LPP: variants seen among roughly 807,000 people sequenced by gnomAD.
The protein encoded by LPP is lipoma-preferred partner.
Under a neutral mutation model 60.4 loss-of-function variants are expected in LPP, and 38 were observed. The observed-to-expected ratio is 0.63, with a 90% CI of 0.49 to 0.83. The LOEUF (loss-of-function observed/expected upper bound fraction) is 0.83. Among genes scored for constraint, LPP ranks in the 40% least tolerant of loss-of-function variants. The pLI, the probability that LPP is intolerant of heterozygous loss-of-function variation, is 0.00. For missense variants in LPP, 902 were observed against 783.6 expected (o/e 1.15, Z -1.80); for synonymous variants, 328 against 290.8 (o/e 1.13, Z -1.30).
chr3:188,240,622 G>C, intron 2 of LPP, among the ~76,000 whole-genome samples: 1 of 152,204 alleles, frequency 6.6e-6, no homozygotes, highest in South Asian at 2.1e-4. Flanking sequence ...ACATATTTGG[G>C]TAGAAACTTT....
intron 3 of LPP, among the ~76,000 whole-genome samples, chr3:188,377,822 C>T (rs1281640172): frequency 2.0e-5 from 3 of 152,130 alleles, no homozygotes; most frequent in African/African-American, 7.2e-5. Context: ...CTGTTTTTTT[C>T]CCATCTTTGT....
chr3:188,846,722 T>C (rs993130953), intron 9 of LPP, among the ~76,000 whole-genome samples: 1 of 150,690 alleles, frequency 6.6e-6, no homozygotes, highest in Admixed American at 6.6e-5. Context: ...AAAGAAAAGT[T>C]ACATGTAGAG....
chr3:188,491,004 G>A (rs944439759), intron 5 of LPP, among the ~76,000 whole-genome samples: 10 of 151,804 alleles, frequency 6.6e-5, no homozygotes, highest in South Asian at 2.1e-4. Context: ...CTCGTGATCC[G>A]CCTGCCTCAG....
At chr3:188,697,402 GA>G in intron 7 of LPP, among the ~76,000 whole-genome samples, 1 of 152,308 alleles carries the variant, frequency 6.6e-6, no homozygotes, top group Admixed American at 6.5e-5. Flanking sequence ...TATTAAAACC[GA>G]AAACTGATTT....
At chr3:188,196,423 T>C (rs1186369563) in intron 1 of LPP, among the ~76,000 whole-genome samples, 1 of 152,164 alleles carries the variant, frequency 6.6e-6, no homozygotes, top group Non-Finnish European at 1.5e-5. Context: ...CCTTCACTCT[T>C]GCCTCTGACT....
At chr3:188,612,223 A>G (rs905088046) in intron 7 of LPP, among the ~76,000 whole-genome samples, 2 of 152,202 alleles carry the variant, frequency 1.3e-5, no homozygotes, top group African/African-American at 4.8e-5. Flanking sequence ...AGAGGTTGAT[A>G]TTTAGCCATC....
At chr3:188,673,294 A>G (rs899532920) in intron 7 of LPP, among the ~76,000 whole-genome samples, 4 of 138,214 alleles carry the variant, frequency 2.9e-5, no homozygotes, top group East Asian at 2.1e-4. Context: ...ACATCATCTC[A>G]TGAATGACAT....
intron 1 of LPP, among the ~76,000 whole-genome samples, chr3:188,154,805 C>T (rs1443799965): frequency 3.3e-5 from 5 of 152,220 alleles, no homozygotes; most frequent in African/African-American, 1.2e-4. Flanking sequence ...CCTCAAGGAA[C>T]TCAGTTGAAC....
At chr3:188,759,915 C>T (rs957971612) in intron 8 of LPP, among the ~76,000 whole-genome samples, 198 bp from the exon 9 acceptor site, 1 of 152,148 alleles carries the variant, frequency 6.6e-6, no homozygotes, top group Non-Finnish European at 1.5e-5. Flanking sequence ...AAATCCCCTC[C>T]ATGCCAATCT....
chr3:188,596,581 G>A (rs1162583850), intron 6 of LPP, among the ~76,000 whole-genome samples: 1 of 151,804 alleles, frequency 6.6e-6, no homozygotes, highest in Non-Finnish European at 1.5e-5. Context: ...GTAATACAGT[G>A]ATCATTATAA....
intron 2 of LPP, among the ~76,000 whole-genome samples, chr3:188,238,907 T>C (rs535786212): frequency 6.6e-6 from 1 of 152,308 alleles, no homozygotes; most frequent in East Asian, 1.9e-4. Flanking sequence ...AACACAGTAT[T>C]TGCCAACTAC....
At chr3:188,874,282 CATG>C in intron 11 of LPP, 66 bp from the exon 12 acceptor site, 1 of 1,484,696 alleles carries the variant, frequency 6.7e-7, no homozygotes, top group South Asian at 1.3e-5. Flanking sequence ...AAAGCTCAAT[CATG>C]ATGTTCTCCA....
At chr3:188,643,047 CAAG>C (rs143282166) in intron 7 of LPP, among the ~76,000 whole-genome samples, 5,155 of 152,086 alleles carry the variant, frequency 0.034, 276 homozygotes, top group African/African-American at 0.12. Context: ...AGCCTGGGTA[CAAG>C]AAGAAGCGAG....
At chr3:188,721,896 C>T (rs1052783603) in intron 8 of LPP, among the ~76,000 whole-genome samples, 6 of 152,076 alleles carry the variant, frequency 3.9e-5, no homozygotes, top group African/African-American at 9.7e-5. Context: ...TCTCATATCA[C>T]GAGATTAGAA....
chr3:188,712,432 T>A (rs1315617945), intron 8 of LPP: 1 of 152,250 alleles, frequency 6.6e-6, no homozygotes, highest in Non-Finnish European at 1.5e-5. Context: ...TAGCACTGTG[T>A]TGGGTGTGAC....
chr3:188,564,234 T>G (rs1429868539), intron 6 of LPP, among the ~76,000 whole-genome samples: 1 of 152,004 alleles, frequency 6.6e-6, no homozygotes, highest in Non-Finnish European at 1.5e-5. Flanking sequence ...CCATACTCCT[T>G]CTTTCCACCA....
chr3:188,375,082 C>T lies in LPP; in HGVS notation c.-9-31030C>T, dbSNP rs565956114. Reference sequence around the variant, plus strand: ...CCACTTGATCATGGTGGATAAGCTTCTTGACGTGCTGCTGGATTCGGTTTG... The same window carrying T: ...CCACTTGATCATGGTGGATAAGCTTTTTGACGTGCTGCTGGATTCGGTTTG... On this transcript the variant is annotated intron_variant, in intron 3 of 11. Coordinates refer to ENST00000617246, the MANE Select transcript of LPP (RefSeq NM_001375462.1). Among the ~76,000 whole-genome samples, 1,458 of 151,734 alleles carry T rather than the reference C, an allele frequency of 9.6e-3. 21 individuals are homozygous for T. The highest frequency in any genetic ancestry group is 0.032 in the African/African-American group (1,317 of 41,070).
At chr3:188,567,316 C>G (rs1295374307) in intron 6 of LPP, among the ~76,000 whole-genome samples, 2 of 151,884 alleles carry the variant, frequency 1.3e-5, no homozygotes, top group Non-Finnish European at 2.9e-5. Flanking sequence ...TAGGACCCAT[C>G]TCATAGGATT....
intron 9 of LPP, among the ~76,000 whole-genome samples, chr3:188,819,379 C>T (rs1162691347): frequency 6.6e-6 from 1 of 151,178 alleles, no homozygotes; most frequent in Non-Finnish European, 1.5e-5. Context: ...CCCAAGTTTT[C>T]GCTATAAAGA....
Sources: gnomAD v4.1 joint callset for allele counts (sites outside exome capture counted in the v4.1 genomes callset) on GRCh38, gnomAD v4.1.1 for gene constraint, MANE v1.5 for transcripts, NCBI Gene and HGNC (gene_info 2026-07-23, HGNC 2026-07-21) for gene names.